EBF1: variants seen among roughly 807,000 people sequenced by gnomAD.
The protein encoded by EBF1 is EBF transcription factor 1.
Under a neutral mutation model 68.4 loss-of-function variants are expected in EBF1, and 10 were observed. The ratio of observed to expected loss-of-function variants is 0.15; its 90% confidence interval spans 0.09 to 0.25. The LOEUF (loss-of-function observed/expected upper bound fraction) is 0.25. Among genes scored for constraint, EBF1 ranks in the 10% least tolerant of loss-of-function variants. The probability of loss-of-function intolerance (pLI) is 1.00; values close to 1 mark genes in which losing one functional copy is unlikely to be tolerated. For missense variants in EBF1, 509 were observed against 794.4 expected (o/e 0.64, Z 4.32); for synonymous variants, 298 against 299.8 (o/e 0.99, Z 0.06).
chr5:158,940,956 G>A (rs1354462233), intron 6 of EBF1, among the ~76,000 whole-genome samples: 4 of 152,102 alleles, frequency 2.6e-5, no homozygotes, highest in African/African-American at 9.7e-5. Context: ...GACAGCTCCT[G>A]ACAGCTTTTT....
intron 9 of EBF1, among the ~76,000 whole-genome samples, chr5:158,790,083 T>C (rs1299949503): frequency 2.0e-5 from 3 of 152,212 alleles, no homozygotes; most frequent in Non-Finnish European, 4.4e-5. Context: ...TGTCTGGGAA[T>C]GTAGCTGAAG....
At chr5:159,064,068 A>C (rs1776321853) in intron 6 of EBF1, among the ~76,000 whole-genome samples, 1 of 152,050 alleles carries the variant, frequency 6.6e-6, no homozygotes, top group African/African-American at 2.4e-5. Context: ...GCAAATACAC[A>C]ATCAAATTAA....
At chr5:158,818,918 T>C in intron 8 of EBF1, among the ~76,000 whole-genome samples, 1 of 146,396 alleles carries the variant, frequency 6.8e-6, no homozygotes, top group South Asian at 2.2e-4. Context: ...AGGATGCACA[T>C]ATTCAAAACA....
At chr5:159,055,800 A>T (rs1240374050) in intron 6 of EBF1, among the ~76,000 whole-genome samples, 2 of 152,194 alleles carry the variant, frequency 1.3e-5, no homozygotes, top group Admixed American at 1.3e-4. Flanking sequence ...CACCAAATCC[A>T]ATTTCCTTAA....
intron 6 of EBF1, among the ~76,000 whole-genome samples, chr5:159,024,907 G>C (rs1767409853): frequency 6.6e-6 from 1 of 152,204 alleles, no homozygotes; most frequent in African/African-American, 2.4e-5. Context: ...GCTGGAGCCT[G>C]GCACTTACAC....
chr5:159,048,032 A>G (rs1023231207), intron 6 of EBF1, among the ~76,000 whole-genome samples: 33 of 152,124 alleles, frequency 2.2e-4, no homozygotes, highest in African/African-American at 6.8e-4. Flanking sequence ...TATTTTCCAC[A>G]TGCTCCATGT....
intron 14 of EBF1, among the ~76,000 whole-genome samples, chr5:158,710,920 A>C (rs116733448): frequency 2.2e-4 from 33 of 152,352 alleles, no homozygotes; most frequent in African/African-American, 5.0e-4. Context: ...GCAATGTCCA[A>C]GATGAACTTC....
intron 15 of EBF1, among the ~76,000 whole-genome samples, chr5:158,704,176 G>T (rs941176007): frequency 6.6e-6 from 1 of 152,178 alleles, no homozygotes; most frequent in African/African-American, 2.4e-5. Flanking sequence ...GCTACCTTAA[G>T]GGTGGTTGGG....
intron 6 of EBF1, chr5:158,985,794 A>G (rs925471474): frequency 6.6e-6 from 1 of 152,296 alleles, no homozygotes; most frequent in African/African-American, 2.4e-5. Flanking sequence ...GTCTAAAGTC[A>G]GAAAGCCTGG....
chr5:159,009,949 T>C (rs1764298457), intron 6 of EBF1, among the ~76,000 whole-genome samples: 1 of 152,198 alleles, frequency 6.6e-6, no homozygotes, highest in South Asian at 2.1e-4. Flanking sequence ...CCTTTGCAAT[T>C]ATGTATGACT....
At chr5:159,089,537 A>T (rs573956573) in intron 4 of EBF1, among the ~76,000 whole-genome samples, 1 of 152,292 alleles carries the variant, frequency 6.6e-6, no homozygotes, top group East Asian at 1.9e-4. Flanking sequence ...CCGGGATCAC[A>T]CTTCAATAGG....
At chr5:158,732,715 T>G (rs1764364492) in intron 10 of EBF1, among the ~76,000 whole-genome samples, 1 of 152,238 alleles carries the variant, frequency 6.6e-6, no homozygotes, top group African/African-American at 2.4e-5. Context: ...AAGTACTTTT[T>G]CTTCACTTGT....
chr5:158,941,816 C>T (rs1345339590), intron 6 of EBF1, among the ~76,000 whole-genome samples: 1 of 152,178 alleles, frequency 6.6e-6, no homozygotes, highest in African/African-American at 2.4e-5. Flanking sequence ...ACTGCAACAA[C>T]CTCTACTACT....
At chr5:158,699,793 G>A (rs1345138342) in intron 15 of EBF1, among the ~76,000 whole-genome samples, 5 of 152,194 alleles carry the variant, frequency 3.3e-5, no homozygotes, top group East Asian at 3.8e-4. Context: ...TTCACTCAAC[G>A]TTTCGGGAAT....
chr5:158,779,125 C>A (rs1355435621), intron 9 of EBF1, among the ~76,000 whole-genome samples: 2 of 152,082 alleles, frequency 1.3e-5, no homozygotes, highest in African/African-American at 4.8e-5. Flanking sequence ...ACTGTTACTG[C>A]AATGTTGGGA....
At position 159,070,900 on chromosome 5, in the gene EBF1, T is replaced by C. The variant is rs537932711; in HGVS notation, c.554+2496A>G. ...CCCTAAGCACGTAACACAGATATTA[T>C]GCAATCAGTAATATAGAATCAAATT... On this transcript the variant is annotated intron_variant, in intron 6 of 15. Transcript: ENST00000313708. Among the ~76,000 whole-genome samples the C allele has an allele frequency of 8.5e-5, 13 of 152,352 alleles. No individual in the cohort carries two copies. In the South Asian group the frequency reaches 2.5e-3, roughly 29 times the overall value.
intron 6 of EBF1, among the ~76,000 whole-genome samples, chr5:158,876,903 T>G (rs1383542543): frequency 2.7e-5 from 4 of 148,686 alleles, no homozygotes; most frequent in Admixed American, 1.6e-4. Flanking sequence ...TTTAGAGGTC[T>G]TTTTTACATT....
At chr5:159,073,540 A>C in intron 5 of EBF1, 76 bp from the exon 6 acceptor site, 1 of 1,528,076 alleles carries the variant, frequency 6.5e-7, no homozygotes, top group Non-Finnish European at 9.0e-7. Context: ...AGAAGGCTCA[A>C]ATTGCTGGGT....
At chr5:159,064,899 CTTTTTTTTTTTTTT>C (rs57256923) in intron 6 of EBF1, among the ~76,000 whole-genome samples, 19 of 67,942 alleles carry the variant, frequency 2.8e-4, no homozygotes, top group African/African-American at 3.6e-4. Flanking sequence ...CTCTTTTCAT[CTTTTTTTTTTTTTT>C]TTTTTTTTTT....
Sources: allele counts gnomAD v4.1 joint callset (sites outside exome capture counted in the v4.1 genomes callset), GRCh38; gene constraint gnomAD v4.1.1; transcripts MANE v1.5; gene names NCBI Gene and HGNC (gene_info 2026-07-23, HGNC 2026-07-21).